Variants in CCNH observed in about 807,000 individuals in gnomAD.
CCNH encodes the protein cyclin H.
CCNH carries 31 observed loss-of-function variants against 41.9 expected under a neutral mutation model. The observed-to-expected ratio is 0.74, with a 90% CI of 0.56 to 1.00. The LOEUF is 1.00. Ranked by LOEUF, CCNH falls within the 50% of genes least tolerant of loss-of-function variation. The pLI is 0.00. For synonymous variants in CCNH, 138 were observed against 136.1 expected (o/e 1.01, Z -0.10); for missense variants, 362 against 388.4 (o/e 0.93, Z 0.57).
Position 87,318,654 on chromosome 5 carries a change from C to G in CCNH, c.*334G>C, listed in dbSNP as rs191272703. 2.6e-5 allele frequency: 4 copies of G among 152,298 alleles called. No homozygotes were observed. In the East Asian group the frequency reaches 7.7e-4, roughly 29 times the overall value. The allele number at this position is 152,298 out of a possible 1,614,324, so 9.4% of individuals were successfully genotyped here. A position where few individuals can be genotyped will look rare whatever the true frequency, so the allele number is the denominator to read the frequency against. On this transcript the variant is annotated 3_prime_UTR_variant and NMD_transcript_variant, in exon 10 of 10. Coordinates refer to the CCNH transcript ENST00000645953. ...GCAAGGGGAAATTTGCTCCCATGAT[C>G]CAATCACCTCCTACCAGGTCCCCTC...
At chr5:87,382,039 C>T (rs1050201176), upstream of CCNH, among the ~76,000 whole-genome samples, 5 of 152,154 alleles carry the variant, frequency 3.3e-5, no homozygotes, top group African/African-American at 1.2e-4. Context: ...GCAACCCCCG[C>T]CTCCCAGGTT....
chr5:87,374,939 T>C, downstream of CCNH: 1 of 1,595,046 alleles, frequency 6.3e-7, no homozygotes, highest in Non-Finnish European at 8.5e-7. Flanking sequence ...AGAAACTTTC[T>C]AAAATAGAAA....
intron 9 of CCNH, among the ~76,000 whole-genome samples, chr5:87,319,457 C>T (rs1756611884): frequency 6.6e-6 from 1 of 152,220 alleles, no homozygotes; most frequent in African/African-American, 2.4e-5. Flanking sequence ...GCTCCCAAAC[C>T]TCTTCTCTTG....
intron 9 of CCNH, among the ~76,000 whole-genome samples, chr5:87,333,544 A>G (rs1480568510): frequency 6.6e-6 from 1 of 152,192 alleles, no homozygotes; most frequent in East Asian, 1.9e-4. Flanking sequence ...GCCTCAGTGA[A>G]TATGATAGGA....
chr5:87,313,255 T>A, the CCNH span, among the ~76,000 whole-genome samples: 1 of 152,192 alleles, frequency 6.6e-6, no homozygotes, highest in Non-Finnish European at 1.5e-5. Context: ...CTTTAGCTAA[T>A]CTAATATCTT....
chr5:87,394,847 T>G, intron 8 of CCNH, 197 bp downstream of exon 8: 4 of 1,373,202 alleles, frequency 2.9e-6, no homozygotes, highest in Non-Finnish European at 3.7e-6. Context: ...GGAAGGATTC[T>G]TCATTAAATA....
At chr5:87,361,501 A>G (rs1449393590) in intron 9 of CCNH, among the ~76,000 whole-genome samples, 1 of 152,228 alleles carries the variant, frequency 6.6e-6, no homozygotes, top group Non-Finnish European at 1.5e-5. Flanking sequence ...AAGTCATAAA[A>G]TATGAATCCT....
At chr5:87,368,655 T>C (rs752719916) in intron 9 of CCNH, among the ~76,000 whole-genome samples, 1 of 152,232 alleles carries the variant, frequency 6.6e-6, no homozygotes, top group East Asian at 1.9e-4. Context: ...ATGGAAAGCC[T>C]GAAATTCATT....
intron 9 of CCNH, chr5:87,346,822 G>A (rs1452496441): frequency 3.4e-6 from 3 of 882,558 alleles, no homozygotes; most frequent in South Asian, 1.5e-5. Flanking sequence ...CATTCAGTTA[G>A]TGTTTATGCA....
At chr5:87,388,235 TTC>T (rs1407752976), downstream of CCNH, among the ~76,000 whole-genome samples, 2 of 152,206 alleles carry the variant, frequency 1.3e-5, no homozygotes, top group African/African-American at 4.8e-5. Context: ...ACTGAATGTA[TTC>T]TGAGTAACTG....
chr5:87,356,896 T>C (rs1421027186), intron 9 of CCNH, among the ~76,000 whole-genome samples: 2 of 152,178 alleles, frequency 1.3e-5, no homozygotes, highest in African/African-American at 4.8e-5. Context: ...CATGCTTTCC[T>C]AGTAGAATTT....
rs182770341 is a variant in CCNH, at chr5:87,356,655, G to A, written c.*90+36115C>T. Among the ~76,000 whole-genome samples, 7 of 152,264 alleles carry A rather than the reference G, an allele frequency of 4.6e-5. No homozygotes were observed. The East Asian group carries it at 1.4e-3, about 29-fold the overall frequency. ...CCCAAAATGCTGGGATTACAGTTGT[G>A]AGCCACTTTGGTTGCCCCAACAGTT... On this transcript the variant is annotated intron_variant and NMD_transcript_variant, in intron 9 of 9. Coordinates refer to the CCNH transcript ENST00000645953.
rs921775798 is a variant in CCNH at position 87,333,089 on chromosome 5, A to G, written c.*91-14192T>C. ...TTTAAAATATGATTTTCATAAAAAC[A>G]GGAACAACAAAAAAGCCTTTCTAGG... On this transcript the variant is annotated intron_variant and NMD_transcript_variant, in intron 9 of 9. Transcript: ENST00000645953. Among the ~76,000 whole-genome samples, 7 of 152,148 alleles carry G rather than the reference A, an allele frequency of 4.6e-5. No individual in the cohort carries two copies. The East Asian group carries it at 1.3e-3, about 29-fold the overall frequency.
At chr5:87,381,097 T>C (rs1442685428), upstream of CCNH, among the ~76,000 whole-genome samples, 1 of 152,104 alleles carries the variant, frequency 6.6e-6, no homozygotes, top group African/African-American at 2.4e-5. Context: ...TGGGAGCTTA[T>C]ATAAAGGGAC....
At chr5:87,372,258 AT>A, downstream of CCNH, 2 of 1,465,760 alleles carry the variant, frequency 1.4e-6, no homozygotes, top group South Asian at 1.2e-5. Context: ...TGCTCTTTTT[AT>A]TTTATTTTTA....
At chr5:87,374,600 T>C (rs1047877335), downstream of CCNH, among the ~76,000 whole-genome samples, 1 of 151,860 alleles carries the variant, frequency 6.6e-6, no homozygotes, top group Non-Finnish European at 1.5e-5. Context: ...TACTAGGGTT[T>C]CCAGTACTTA....
intron 9 of CCNH, chr5:87,331,331 C>T: frequency 6.3e-7 from 1 of 1,583,732 alleles, no homozygotes; most frequent in South Asian, 1.1e-5. Flanking sequence ...GTAATATCTT[C>T]TCTGTTTTTC....
chr5:87,363,334 T>G (rs1329367433), intron 9 of CCNH: 1 of 1,594,666 alleles, frequency 6.3e-7, no homozygotes. Context: ...AAAACAATTT[T>G]TTTTTTTAAA....
At chr5:87,364,454 G>A (rs1760353048) in intron 9 of CCNH, among the ~76,000 whole-genome samples, 1 of 152,046 alleles carries the variant, frequency 6.6e-6, no homozygotes, top group Non-Finnish European at 1.5e-5. Context: ...TGTTTATATT[G>A]TGAATCTGTA....
Sources: allele counts gnomAD v4.1 joint callset (sites outside exome capture counted in the v4.1 genomes callset), GRCh38; gene constraint gnomAD v4.1.1; transcripts MANE v1.5; gene names NCBI Gene and HGNC (gene_info 2026-07-23, HGNC 2026-07-21).